The following AFG1L variants were observed in gnomAD, a reference collection of about 807,000 sequenced individuals.
The protein encoded by AFG1L is AFG1 like ATPase, also known as AFG1-like ATPase.
A neutral mutation model predicts 62.2 loss-of-function variants in AFG1L; 53 were observed. The observed-to-expected ratio is 0.85, with a 90% confidence interval of 0.68 to 1.07. The LOEUF (loss-of-function observed/expected upper bound fraction) is 1.07, where lower values mean the gene tolerates loss of function less well. Ranked by LOEUF, AFG1L falls within the 50% of genes least tolerant of loss-of-function variation. The probability of loss-of-function intolerance (pLI) is 0.00; values close to 1 mark genes in which losing one functional copy is unlikely to be tolerated. For missense variants in AFG1L, 555 were observed against 590.5 expected (o/e 0.94, Z 0.62); for synonymous variants, 228 against 210.3 (o/e 1.08, Z -0.73).
At chr6:108,420,975 G>A (rs1411640327) in intron 7 of AFG1L, among the ~76,000 whole-genome samples, 5 of 152,052 alleles carry the variant, frequency 3.3e-5, no homozygotes, top group African/African-American at 1.2e-4. Context: ...TTAATTACAC[G>A]TGGCAATTTT....
chr6:108,476,818 G>A, intron 8 of AFG1L, 47 bp from the exon 9 acceptor site: 2 of 1,417,982 alleles, frequency 1.4e-6, no homozygotes, highest in South Asian at 2.3e-5. Context: ...TTTGATGTTG[G>A]CTTCAAGTGT....
intron 6 of AFG1L, among the ~76,000 whole-genome samples, chr6:108,387,300 G>A (rs1241825056): frequency 2.0e-5 from 3 of 152,234 alleles, no homozygotes; most frequent in East Asian, 3.8e-4. Context: ...GGCGAAGGCT[G>A]TGGCCACACC....
At chr6:108,347,890 T>A (rs1340582498) in intron 3 of AFG1L, among the ~76,000 whole-genome samples, 1 of 152,158 alleles carries the variant, frequency 6.6e-6, no homozygotes, top group Non-Finnish European at 1.5e-5. Context: ...ACTGGCATAC[T>A]CAAAACTCAC....
chr6:108,303,847 A>T (rs1197662843), intron 1 of AFG1L, among the ~76,000 whole-genome samples: 1 of 152,252 alleles, frequency 6.6e-6, no homozygotes, highest in African/African-American at 2.4e-5. Flanking sequence ...TTTTGAAAAA[A>T]ATTAGATCCC....
chr6:108,418,372 C>G (rs781009295), intron 7 of AFG1L, among the ~76,000 whole-genome samples: 6 of 152,134 alleles, frequency 3.9e-5, no homozygotes, highest in Non-Finnish European at 5.9e-5. Flanking sequence ...TGGAGACTTA[C>G]GGCTTTCAAA....
chr6:108,441,280 A>G (rs1184904151), intron 7 of AFG1L, among the ~76,000 whole-genome samples: 5 of 152,166 alleles, frequency 3.3e-5, no homozygotes, highest in African/African-American at 1.2e-4. Context: ...GGGACAATAT[A>G]AACTGCTTTA....
At chr6:108,334,086 T>C (rs56375508) in intron 2 of AFG1L, among the ~76,000 whole-genome samples, 19,507 of 152,118 alleles carry the variant, frequency 0.13, 2,772 homozygotes, top group African/African-American at 0.35. Context: ...CGGCTCACTG[T>C]AACCTCTGCC....
Position 108,519,826 on chromosome 6 carries a change from A to G in AFG1L, c.1317+16A>G. On this transcript the variant is annotated intron_variant, in intron 12 of 12. Transcript: ENST00000368977. ...GCTGAGCCAGGTAGGCGATATTAAC[A>G]TAATCTCTTTTTATTATAAAACAGC... 2 of 1,491,864 alleles carry G rather than the reference A, an allele frequency of 1.3e-6. No individual in the cohort carries two copies. The highest frequency in any genetic ancestry group is 1.8e-6 in the Non-Finnish European group (2 of 1,083,922). 92.4% of individuals were successfully genotyped at this position (1,491,864 alleles called of 1,614,324 possible). A position where few individuals can be genotyped will look rare whatever the true frequency, so the allele number is the denominator to read the frequency against.
At chr6:108,448,874 G>A (rs1771927663) in intron 8 of AFG1L, among the ~76,000 whole-genome samples, 1 of 152,114 alleles carries the variant, frequency 6.6e-6, no homozygotes, top group East Asian at 1.9e-4. Context: ...CAAAGGCCAG[G>A]CACAATGGCT....
At chr6:108,346,841 A>C in intron 2 of AFG1L, 147 bp from the exon 3 acceptor site, 1 of 608,346 alleles carries the variant, frequency 1.6e-6, no homozygotes, top group South Asian at 2.0e-5. Context: ...TTTCAGCTTT[A>C]AACACTTTTA....
At chr6:108,514,667 TG>T (rs1340927600) in intron 11 of AFG1L, among the ~76,000 whole-genome samples, 3 of 152,174 alleles carry the variant, frequency 2.0e-5, no homozygotes, top group Non-Finnish European at 4.4e-5. Flanking sequence ...TAAATGTAAA[TG>T]GGCTAAATGC....
intron 3 of AFG1L, among the ~76,000 whole-genome samples, chr6:108,352,473 C>T (rs528268796): frequency 1.3e-5 from 2 of 152,254 alleles, no homozygotes; most frequent in South Asian, 4.1e-4. Context: ...TTGTCCTGTA[C>T]ACTTTAAATC....
At chr6:108,311,857 GTATTT>G (rs931449381) in intron 1 of AFG1L, among the ~76,000 whole-genome samples, 4 of 151,794 alleles carry the variant, frequency 2.6e-5, no homozygotes, top group South Asian at 2.1e-4. Flanking sequence ...ATTTATTTAT[GTATTT>G]TATTTTATTT....
At chr6:108,323,731 C>T (rs1453964392) in intron 1 of AFG1L, 94 bp from the exon 2 acceptor site, 2 of 784,302 alleles carry the variant, frequency 2.6e-6, no homozygotes, top group Admixed American at 2.4e-5. Flanking sequence ...ATACTTGTAA[C>T]TAGTTAAAAG....
chr6:108,472,800 C>T (rs1582635457), intron 8 of AFG1L, among the ~76,000 whole-genome samples: 4 of 134,040 alleles, frequency 3.0e-5, no homozygotes, highest in Non-Finnish European at 3.1e-5. Context: ...TTTTTCTTTT[C>T]TTTTCTTTTC....
chr6:108,369,661 G>A (rs1252334558), intron 6 of AFG1L, among the ~76,000 whole-genome samples: 2 of 151,948 alleles, frequency 1.3e-5, no homozygotes, highest in African/African-American at 4.8e-5. Flanking sequence ...CCAGACTGGG[G>A]TGCAGTGCGC....
chr6:108,514,273 G>A (rs1348367991), intron 11 of AFG1L, among the ~76,000 whole-genome samples: 1 of 152,194 alleles, frequency 6.6e-6, no homozygotes, highest in African/African-American at 2.4e-5. Flanking sequence ...TCCACAAAGG[G>A]AAGCCCATCA....
chr6:108,397,806 AG>A (rs1781387848), intron 6 of AFG1L, among the ~76,000 whole-genome samples: 1 of 152,202 alleles, frequency 6.6e-6, no homozygotes, highest in African/African-American at 2.4e-5. Context: ...ATGGCAGAAT[AG>A]TACTCCACTT....
At chr6:108,333,107 C>A (rs1468269883) in intron 2 of AFG1L, among the ~76,000 whole-genome samples, 12 of 152,008 alleles carry the variant, frequency 7.9e-5, no homozygotes, top group Admixed American at 7.9e-4. Flanking sequence ...AAAGATTTTT[C>A]ATCAAAAATA....
Sources: gnomAD v4.1 joint callset for allele counts (sites outside exome capture counted in the v4.1 genomes callset) on GRCh38, gnomAD v4.1.1 for gene constraint, MANE v1.5 for transcripts, NCBI Gene and HGNC (gene_info 2026-07-23, HGNC 2026-07-21) for gene names.